The following KIF18B variants were observed in gnomAD, a reference collection of about 807,000 sequenced individuals.
KIF18B encodes the protein kinesin family member 18B.
A neutral mutation model predicts 80.9 loss-of-function variants in KIF18B; 49 were observed. The observed-to-expected ratio is 0.61, with a 90% CI of 0.48 to 0.77. KIF18B has a LOEUF of 0.77. Among genes scored for constraint, KIF18B ranks in the 30% least tolerant of loss-of-function variants. KIF18B has a pLI of 0.00. For missense variants in KIF18B, 994 were observed against 1,127.7 expected (o/e 0.88, Z 1.70); for synonymous variants, 439 against 463.9 (o/e 0.95, Z 0.69).
rs976056839 is a variant in KIF18B, at chr17:44,927,954, A to G, written c.2276+72T>C. The G allele has an allele frequency of 5.4e-6, 7 of 1,299,794 alleles. No homozygotes were observed. Among genetic ancestry groups the G allele is most frequent in the Middle Eastern group, 4.0e-4 (2 of 5,006 alleles). The allele number at this position is 1,299,794 out of a possible 1,614,324, so 80.5% of individuals were successfully genotyped here. On this transcript the variant is annotated intron_variant, in intron 13 of 15. Coordinates refer to ENST00000593135, the MANE Select transcript of KIF18B (RefSeq NM_001265577.2). The surrounding 1 kb of genome is among the most constrained non-coding windows in gnomAD (Gnocchi z 4.1). ...TCCAAGGCTGTCCTCCATACTTCTC[A>G]GCAGCACCAAGAAGTCCCTTGCTGA...
chr17:44,935,358 C>T lies in KIF18B; in HGVS notation c.372G>A (p.Gly124=). 1 of 1,613,278 alleles carries T rather than the reference C, an allele frequency of 6.2e-7. No individual in the cohort carries two copies. The highest frequency in any genetic ancestry group is 1.1e-5 in the South Asian group (1 of 90,922). ...GKTHTMLGRE[G]DPGIMYLTTV... is the part of the protein sequence containing the mutation. The stretch of plus-strand genomic sequence containing the variant: ...TGGTCAGGTACATGATGCCGGGGTC[C>T]CCCTCCCTTCCCAGCATGGTGTGTG... The change falls in exon 3 of 16, where the codon GGG becomes GGA. Residue 124 remains glycine, a synonymous_variant. Transcript: ENST00000593135.
At chr17:44,931,469 G>T in intron 11 of KIF18B, 133 bp downstream of exon 11, 1 of 1,190,840 alleles carries the variant, frequency 8.4e-7, no homozygotes. Context: ...ACAAGGAGGT[G>T]AAACCAGGTA....
chr17:44,935,448 A>G (rs763018354), intron 2 of KIF18B, 32 bp from the exon 3 acceptor site: 2 of 1,560,596 alleles, frequency 1.3e-6, no homozygotes, highest in African/African-American at 2.7e-5. Context: ...GGAGGACCCC[A>G]GTGCCTTGCC....
Position 44,935,414 on chromosome 17 carries a change from A to C in KIF18B, c.316T>G (p.Phe106Val). 6.2e-7 allele frequency: 1 copy of C among 1,607,426 alleles called. No individual in the cohort carries two copies. The change falls in exon 3 of 16, where the codon TTT (phenylalanine) becomes GTT (valine). Residue 106 changes from phenylalanine to valine, a missense_variant and splice_region_variant. Transcript: ENST00000593135. ...CCAGCCCCGGTGGCCCCGTAGGCAA[A>C]CACTGCAGAGGACATAGTAAGGAGG... ...SFLQGYNCSVFAYGATGAGKT... is the reference protein window; with the variant it reads ...SFLQGYNCSVVAYGATGAGKT...
At position 44,934,032 on chromosome 17, in the gene KIF18B, C is replaced by T. The variant is rs2052219390; in HGVS notation, c.953G>A (p.Gly318Asp). 3 of 1,611,834 alleles carry T rather than the reference C, an allele frequency of 1.9e-6. No individual in the cohort carries two copies. Among genetic ancestry groups the T allele is most frequent in the Non-Finnish European group, 2.5e-6 (3 of 1,179,244 alleles). The change falls in exon 7 of 16, where the codon GGC becomes GAC. Residue 318 changes from glycine to aspartate, a missense_variant. Transcript: ENST00000593135. The surrounding 1 kb of genome is among the most constrained non-coding windows in gnomAD (Gnocchi z 5.4). ...LTRLLKDSLG[G>D]NCRTVMIAAI... ...AGCGATCATCACTGTGCGGCAGTTG[C>T]CCCCGAGGGAGTCTTTGAGCAGGCG...
At chr17:44,939,223 T>C (rs554463026) in intron 1 of KIF18B, among the ~76,000 whole-genome samples, 2 of 151,068 alleles carry the variant, frequency 1.3e-5, no homozygotes, top group Non-Finnish European at 2.9e-5. Context: ...ATACAAAAAT[T>C]AGTCGGGCAC....
Position 44,934,576 on chromosome 17 carries a change from C to T in KIF18B, c.618G>A (p.Gly206=), listed in dbSNP as rs776151466. 31 of 1,612,086 alleles carry T rather than the reference C, an allele frequency of 1.9e-5. No individual in the cohort carries two copies. Among genetic ancestry groups the T allele is most frequent in the East Asian group, 8.9e-5 (4 of 44,858 alleles). ...TGGGGTGCTGCGTGCGGTTACGGTT[C>T]CCCCTGGTCAGTATCTCCAGCAGCT... ...AEQLLEILTR[G]NRNRTQHPTD... The change falls in exon 5 of 16, where the codon GGG becomes GGA. Residue 206 remains glycine, a synonymous_variant. Coordinates refer to ENST00000593135, the MANE Select transcript of KIF18B (RefSeq NM_001265577.2). The surrounding 1 kb of genome is among the most constrained non-coding windows in gnomAD (Gnocchi z 5.4).
intron 7 of KIF18B, 102 bp downstream of exon 7, chr17:44,933,821 G>T (rs1275597737): frequency 8.7e-7 from 1 of 1,147,302 alleles, no homozygotes; most frequent in South Asian, 1.6e-5. Flanking sequence ...CTGCCTTGGG[G>T]ACACTTGGCC....
In KIF18B at chr17:44,926,726, T is replaced by A. The variant is rs551615251; in HGVS notation, c.2367-227A>T. Among the ~76,000 whole-genome samples, 6 of 152,170 alleles carry A rather than the reference T, an allele frequency of 3.9e-5. No homozygotes were observed. In the South Asian group the frequency reaches 1.2e-3, roughly 32 times the overall value. ...AGGATGGAGAGTCCCTTTGCTGGAT[T>A]AATGGTGTGCAACATCTCCCTCATG... On this transcript the variant is annotated intron_variant, in intron 14 of 15. Coordinates refer to ENST00000593135, the MANE Select transcript of KIF18B (RefSeq NM_001265577.2).
At chr17:44,941,850 A>C (rs2052426732) in intron 1 of KIF18B, among the ~76,000 whole-genome samples, 1 of 152,196 alleles carries the variant, frequency 6.6e-6, no homozygotes, top group Non-Finnish European at 1.5e-5. Context: ...GGGCACTGGC[A>C]AAGGAGTGCT....
At chr17:44,935,818 G>A (rs767123723) in intron 2 of KIF18B, among the ~76,000 whole-genome samples, 11 of 152,192 alleles carry the variant, frequency 7.2e-5, no homozygotes, top group Non-Finnish European at 1.5e-4. Flanking sequence ...TGTCTGATTT[G>A]CTGTTGCAGT....
In KIF18B at chr17:44,928,524, G is replaced by A. The variant is rs1336264846; in HGVS notation, c.1778C>T (p.Thr593Ile). Reference protein sequence around the residue: ...PEPPGYTGPVTRTMARRLSGP... With the variant: ...PEPPGYTGPVIRTMARRLSGP... ...ACTCAGTCGCCTCGCCATAGTCCGGGTCACAGGGCCAGTGTATCCTGGAGG... is the reference window on the plus strand; with the variant it reads ...ACTCAGTCGCCTCGCCATAGTCCGGATCACAGGGCCAGTGTATCCTGGAGG... The change falls in exon 13 of 16, where the codon ACC (threonine) becomes ATC (isoleucine). Residue 593 changes from threonine to isoleucine, a missense_variant. By Grantham distance (89) the Thr-to-Ile change is moderately conservative (BLOSUM62 -1). Coordinates refer to ENST00000593135, the MANE Select transcript of KIF18B (RefSeq NM_001265577.2). 1.4e-6 allele frequency: 2 copies of A among 1,477,888 alleles called. No individual in the cohort carries two copies. Among genetic ancestry groups the A allele is most frequent in the Admixed American group, 4.7e-5 (2 of 42,146 alleles). The allele number at this position is 1,477,888 out of a possible 1,614,324, so 91.5% of individuals were successfully genotyped here. A position where few individuals can be genotyped will look rare whatever the true frequency, so the allele number is the denominator to read the frequency against.
rs765828051 is a variant in KIF18B at position 44,928,880 on chromosome 17, G to A, written c.1662C>T (p.Ala554=). The change falls in exon 12 of 16, where the codon GCC becomes GCT. Residue 554 remains alanine, a synonymous_variant. Transcript: ENST00000593135. ...CCCTGGCCAGGCCTGAAGTCCTCAA[G>A]GCCTCTGCCCCAGGCTCAATTTTTT... ...QEEKIEPGAE[A]LRTSGLARGA... is the part of the protein sequence containing the mutation. 1.1e-5 allele frequency: 18 copies of A among 1,613,814 alleles called. No individual in the cohort carries two copies. In the South Asian group the frequency reaches 1.5e-4, roughly 14 times the overall value.
intron 1 of KIF18B, among the ~76,000 whole-genome samples, chr17:44,944,405 G>A (rs1391347300): frequency 1.3e-5 from 2 of 151,956 alleles, no homozygotes; most frequent in Admixed American, 6.6e-5. Flanking sequence ...ACCATGCCCG[G>A]CTATTTTTTG....
chr17:44,928,777 A>G, intron 12 of KIF18B, 42 bp downstream of exon 12: 2 of 1,591,924 alleles, frequency 1.3e-6, no homozygotes, highest in Non-Finnish European at 1.7e-6. Flanking sequence ...CCTTGAAGAC[A>G]GCACCTTGAA....
At position 44,927,044 on chromosome 17, in the gene KIF18B, TG is replaced by T; in HGVS notation, c.2310del (p.Lys771SerfsTer37). ...GTCCCAGGGAGGGAAGATGTTGGCT[TG>T]GGGCCCTTCATGGTGAACAGGGGCA... ...APVPLFTMKGPKPTSSLPGTS... is the reference protein window; with the variant it reads ...APVPLFTMKGXKPTSSLPGTS... On this transcript the variant is annotated frameshift_variant, in exon 14 of 16. Coordinates refer to ENST00000593135, the MANE Select transcript of KIF18B (RefSeq NM_001265577.2). LOFTEE classifies it high-confidence loss of function. This position sits in a 1 kb window ranked among gnomAD's most constrained non-coding sequence, Gnocchi z 4.1. 6.2e-7 allele frequency: 1 copy of T among 1,612,706 alleles called. No homozygotes were observed. Among genetic ancestry groups the T allele is most frequent in the South Asian group, 1.1e-5 (1 of 90,706 alleles).
Position 44,931,922 on chromosome 17 carries a change from C to T in KIF18B, c.1389+134G>A, listed in dbSNP as rs947960450. 20 of 1,205,754 alleles carry T rather than the reference C, an allele frequency of 1.7e-5. No individual in the cohort carries two copies. In the African/African-American group the frequency reaches 2.8e-4, roughly 17 times the overall value. 74.7% of individuals were successfully genotyped at this position (1,205,754 alleles called of 1,614,324 possible). On this transcript the variant is annotated intron_variant, in intron 10 of 15. Transcript: ENST00000593135. ...TTCCTGCACAGAATCTGAAATCCTCCTAATGACTAAGGTGCAAGACATCCA... is the reference window on the plus strand; with the variant it reads ...TTCCTGCACAGAATCTGAAATCCTCTTAATGACTAAGGTGCAAGACATCCA...
intron 1 of KIF18B, among the ~76,000 whole-genome samples, chr17:44,945,989 G>A (rs543698588): frequency 1.3e-5 from 2 of 151,348 alleles, no homozygotes; most frequent in South Asian, 4.2e-4. Context: ...GGAAGCTGAG[G>A]TAGGAGAATA....
chr17:44,926,404 T>C lies in KIF18B; in HGVS notation c.2452+10A>G, dbSNP rs370785118. 19 of 1,565,984 alleles carry C rather than the reference T, an allele frequency of 1.2e-5. No homozygotes were observed. The African/African-American group carries it at 1.4e-4, about 11-fold the overall frequency. ...TGGCCCAGGCTATCCCTGTCCCTAG[T>C]GCCAGTCACCTGGGAGTACAAGGGG... On this transcript the variant is annotated intron_variant, in intron 15 of 15. Coordinates refer to ENST00000593135, the MANE Select transcript of KIF18B (RefSeq NM_001265577.2).
Sources: gnomAD v4.1 joint callset for allele counts (sites outside exome capture counted in the v4.1 genomes callset) on GRCh38, gnomAD v4.1.1 for gene constraint, Gnocchi (gnomAD v3.1) non-coding constraint, MANE v1.5 for transcripts, NCBI Gene and HGNC (gene_info 2026-07-23, HGNC 2026-07-21) for gene names.